DNAH9: variants seen among roughly 807,000 people sequenced by gnomAD.
DNAH9 encodes the protein DNAH9 variant protein.
A neutral mutation model predicts 471.6 loss-of-function variants in DNAH9; 345 were observed. The observed-to-expected ratio is 0.73, with a 90% CI of 0.67 to 0.80. DNAH9 has a LOEUF of 0.80. Ranked by LOEUF, DNAH9 falls within the 30% of genes least tolerant of loss-of-function variation. The pLI, the probability that DNAH9 is intolerant of heterozygous loss-of-function variation, is 0.00. For missense variants in DNAH9, 5,407 were observed against 5,609.2 expected (o/e 0.96, Z 1.15); for synonymous variants, 2,093 against 2,123.6 (o/e 0.99, Z 0.40).
intron 54 of DNAH9, 119 bp downstream of exon 54, chr17:11,880,319 C>T: frequency 1.6e-6 from 2 of 1,262,000 alleles, no homozygotes; most frequent in Non-Finnish European, 2.2e-6. Flanking sequence ...CAAGTAGCTC[C>T]CTGCAGCACA....
At chr17:11,673,919 T>C (rs2074010810) in intron 17 of DNAH9, among the ~76,000 whole-genome samples, 1 of 152,224 alleles carries the variant, frequency 6.6e-6, no homozygotes, top group South Asian at 2.1e-4. Flanking sequence ...CATACATACA[T>C]ACCTATGTGG....
chr17:11,621,190 A>G (rs978029026), intron 6 of DNAH9, among the ~76,000 whole-genome samples: 2 of 151,958 alleles, frequency 1.3e-5, no homozygotes, highest in Non-Finnish European at 2.9e-5. Context: ...CAGGCGAATC[A>G]CAAGTTCAGG....
At chr17:11,963,483 G>C (rs547814408) in intron 68 of DNAH9, among the ~76,000 whole-genome samples, 1 of 151,974 alleles carries the variant, frequency 6.6e-6, no homozygotes, top group Non-Finnish European at 1.5e-5. Context: ...ACAGATATGG[G>C]AACAATAGAC....
intron 35 of DNAH9, among the ~76,000 whole-genome samples, chr17:11,761,498 T>C (rs1190790376): frequency 6.6e-6 from 1 of 152,214 alleles, no homozygotes; most frequent in African/African-American, 2.4e-5. Flanking sequence ...ACTGCTTCTC[T>C]AGCTGGTCAG....
At chr17:11,850,124 T>C (rs1973048406) in intron 49 of DNAH9, among the ~76,000 whole-genome samples, 2 of 151,986 alleles carry the variant, frequency 1.3e-5, no homozygotes, top group Admixed American at 6.6e-5. Context: ...AAGAAAAATG[T>C]GGAGTAGAGT....
intron 31 of DNAH9, 57 bp downstream of exon 31, chr17:11,745,141 A>ACCCATTATCC: frequency 7.0e-7 from 1 of 1,420,984 alleles, no homozygotes; most frequent in Non-Finnish European, 9.7e-7. Context: ...GTCCAGGATA[A>ACCCATTATCC]TGGGTTATCC....
At chr17:11,947,371 T>C (rs1238798775) in intron 67 of DNAH9, among the ~76,000 whole-genome samples, 1 of 152,164 alleles carries the variant, frequency 6.6e-6, no homozygotes, top group Non-Finnish European at 1.5e-5. Flanking sequence ...TCTCCCTATG[T>C]AGGAAAACTA....
At chr17:11,665,370 T>C (rs1015148285) in intron 15 of DNAH9, among the ~76,000 whole-genome samples, 4 of 152,218 alleles carry the variant, frequency 2.6e-5, no homozygotes, top group African/African-American at 7.2e-5. Flanking sequence ...CTTCATGTAT[T>C]TTATCTCTGT....
In DNAH9 at chr17:11,881,233, A is replaced by G; in HGVS notation, c.10626A>G (p.Glu3542=). 1 of 1,614,204 alleles carries G rather than the reference A, an allele frequency of 6.2e-7. No individual in the cohort carries two copies. Among genetic ancestry groups the G allele is most frequent in the Non-Finnish European group, 8.5e-7 (1 of 1,180,042 alleles). The change falls in exon 55 of 69, where the codon GAA becomes GAG. Residue 3542 remains glutamate, a synonymous_variant. Coordinates refer to ENST00000262442, the MANE Select transcript of DNAH9 (RefSeq NM_001372.4). ...GATTCATTAAAATTGGAGACAAAGA[A>G]TGTGAATACAATCCCAAGTTCCGGC... ...KGRFIKIGDK[E]CEYNPKFRLI... is the part of the protein sequence containing the mutation.
intron 64 of DNAH9, among the ~76,000 whole-genome samples, chr17:11,933,230 T>C (rs1051588925): frequency 1.3e-5 from 2 of 152,188 alleles, no homozygotes; most frequent in African/African-American, 4.8e-5. Flanking sequence ...TTTTCTCCAT[T>C]TGACATTCAC....
At chr17:11,847,724 C>T (rs1971277280) in intron 49 of DNAH9, among the ~76,000 whole-genome samples, 1 of 152,154 alleles carries the variant, frequency 6.6e-6, no homozygotes, top group East Asian at 1.9e-4. Flanking sequence ...CCTCTTATTG[C>T]CCCCAACCCA....
At chr17:11,704,558 G>A in intron 25 of DNAH9, 116 bp downstream of exon 25, 1 of 1,002,140 alleles carries the variant, frequency 1.0e-6, no homozygotes, top group Non-Finnish European at 1.4e-6. Context: ...GACAGCTGGG[G>A]GAGGATCACA....
At chr17:11,615,048 G>T (rs1297727917) in intron 4 of DNAH9, among the ~76,000 whole-genome samples, 1 of 152,170 alleles carries the variant, frequency 6.6e-6, no homozygotes, top group Non-Finnish European at 1.5e-5. Context: ...TGTGGCTCGT[G>T]AAGGGCTGCT....
chr17:11,663,062 C>T (rs189109252), intron 14 of DNAH9, among the ~76,000 whole-genome samples: 220 of 152,116 alleles, frequency 1.4e-3, no homozygotes, highest in East Asian at 5.8e-4. Flanking sequence ...GCCCGAGGCT[C>T]GCTTTTTAAG....
intron 27 of DNAH9, among the ~76,000 whole-genome samples, chr17:11,720,363 A>AG (rs1597539239): frequency 6.6e-6 from 1 of 151,950 alleles, no homozygotes; most frequent in Admixed American, 6.6e-5. Flanking sequence ...CTCATCATTT[A>AG]TATTAGTTGT....
intron 68 of DNAH9, among the ~76,000 whole-genome samples, chr17:11,963,229 G>A (rs1207203155): frequency 6.6e-6 from 1 of 152,136 alleles, no homozygotes; most frequent in Non-Finnish European, 1.5e-5. Context: ...GAGGTCAGGA[G>A]TTTGAGACCA....
At chr17:11,950,384 T>C (rs991718852) in intron 67 of DNAH9, among the ~76,000 whole-genome samples, 2 of 152,198 alleles carry the variant, frequency 1.3e-5, no homozygotes, top group Non-Finnish European at 2.9e-5. Context: ...TTGTATTGGA[T>C]ATATTTTAAA....
Position 11,651,342 on chromosome 17 carries a change from G to A in DNAH9, c.2353+18G>A, listed in dbSNP as rs1272021001. 1 of 1,599,566 alleles carries A rather than the reference G, an allele frequency of 6.3e-7. No homozygotes were observed. Among genetic ancestry groups the A allele is most frequent in the East Asian group, 2.2e-5 (1 of 44,756 alleles). ...AACAGAAGGTAACAGGGCACCATCT[G>A]AAGTCTGACAAAAACATGGAGATTC... On this transcript the variant is annotated intron_variant, in intron 13 of 68. Transcript: ENST00000262442.
At chr17:11,701,093 C>T (rs764523006) in intron 23 of DNAH9, 29 bp from the exon 24 acceptor site, 1 of 1,613,382 alleles carries the variant, frequency 6.2e-7, no homozygotes, top group Non-Finnish European at 8.5e-7. Flanking sequence ...TCTCAGGCAC[C>T]CAGTGTCTAA....
Sources: allele counts gnomAD v4.1 joint callset (sites outside exome capture counted in the v4.1 genomes callset), GRCh38; gene constraint gnomAD v4.1.1; transcripts MANE v1.5; gene names NCBI Gene and HGNC (gene_info 2026-07-23, HGNC 2026-07-21).